The following PFKFB3 variants were observed in gnomAD, a reference collection of about 807,000 sequenced individuals.
PFKFB3 encodes the protein 6-phosphofructo-2-kinase/fructose-2,6-bisphosphatase 3.
PFKFB3 carries 33 observed loss-of-function variants against 68.0 expected under a neutral mutation model. That is an observed-to-expected ratio of 0.49 (90% CI 0.37 to 0.65). The LOEUF (loss-of-function observed/expected upper bound fraction) is 0.65. PFKFB3 is among the 30% of genes least tolerant of loss of function. The pLI is 0.00. For synonymous variants in PFKFB3, 315 were observed against 288.2 expected (o/e 1.09, Z -0.94); for missense variants, 586 against 712.2 (o/e 0.82, Z 2.02).
At chr10:6,261,722 T>C in the PFKFB3 span, among the ~76,000 whole-genome samples, 1 of 151,904 alleles carries the variant, frequency 6.6e-6, no homozygotes, top group Non-Finnish European at 1.5e-5. Context: ...AGGCCAGGCA[T>C]GGTGGCTCAC....
At chr10:6,163,537 C>T (rs1842025783) in intron 1 of PFKFB3, among the ~76,000 whole-genome samples, 2 of 152,048 alleles carry the variant, frequency 1.3e-5, no homozygotes, top group Non-Finnish European at 1.5e-5. Flanking sequence ...GGGGGCCAGA[C>T]GGGACATCAG....
At chr10:6,315,635 C>T in the PFKFB3 span, among the ~76,000 whole-genome samples, 29 of 152,274 alleles carry the variant, frequency 1.9e-4, no homozygotes, top group East Asian at 4.4e-3. Context: ...AGACATGCAC[C>T]GCCATGGCTG....
At chr10:6,275,285 G>A in the PFKFB3 span, among the ~76,000 whole-genome samples, 1 of 152,202 alleles carries the variant, frequency 6.6e-6, no homozygotes, top group Non-Finnish European at 1.5e-5. This position sits in a 1 kb window ranked among gnomAD's most constrained non-coding sequence, Gnocchi z 4.9. Flanking sequence ...CCGTGGCTCC[G>A]GTAGATTTCT....
At chr10:6,322,269 TTTTCCTTTACACA>T in the PFKFB3 span, among the ~76,000 whole-genome samples, 1 of 152,196 alleles carries the variant, frequency 6.6e-6, no homozygotes. Flanking sequence ...TCACCAGTCT[TTTTCCTTTACACA>T]TTCGGCATTC....
At chr10:6,303,103 CTG>C in the PFKFB3 span, among the ~76,000 whole-genome samples, 1 of 152,150 alleles carries the variant, frequency 6.6e-6, no homozygotes, top group East Asian at 1.9e-4. Flanking sequence ...TTGTCAGCAA[CTG>C]TTTGTTTATT....
rs1454122984 is a variant in PFKFB3, at chr10:6,177,408, C to CT, written c.16+32397dup. ...TCTTTCTTTCTTTCTTTCTTTCTTT[C>CT]TTCTTTCTCTTTCTTCCTTTCTTTT... On this transcript the variant is annotated intron_variant, in intron 1 of 14. Coordinates refer to the PFKFB3 transcript ENST00000379789. Among the ~76,000 whole-genome samples, 490 of 51,872 alleles carry CT rather than the reference C, an allele frequency of 9.4e-3. 2 individuals carry two copies. The highest frequency in any genetic ancestry group is 0.033 in the East Asian group (68 of 2,072). The allele number at this position is 51,872 out of a possible 152,430, so 34.0% of individuals were successfully genotyped here.
At chr10:6,206,576 A>ACGG (rs1843727074) in intron 1 of PFKFB3, among the ~76,000 whole-genome samples, 1 of 134,022 alleles carries the variant, frequency 7.5e-6, no homozygotes, top group Admixed American at 7.1e-5. Flanking sequence ...CTGGCCGGGC[A>ACGG]GGGGCTGACC....
At chr10:6,271,600 C>T in the PFKFB3 span, among the ~76,000 whole-genome samples, 2 of 151,998 alleles carry the variant, frequency 1.3e-5, no homozygotes, top group African/African-American at 4.8e-5. Context: ...TCAGTACTCT[C>T]TAGGTGTGTG....
At chr10:6,168,961 T>C (rs1274998003) in intron 1 of PFKFB3, among the ~76,000 whole-genome samples, 1 of 152,210 alleles carries the variant, frequency 6.6e-6, no homozygotes, top group Non-Finnish European at 1.5e-5. Flanking sequence ...CCACTCCTTA[T>C]GCTTTCTCTT....
At chr10:6,264,304 A>G in the PFKFB3 span, among the ~76,000 whole-genome samples, 1 of 152,216 alleles carries the variant, frequency 6.6e-6, no homozygotes, top group Non-Finnish European at 1.5e-5. Flanking sequence ...TTCTTATTCA[A>G]GATTGTCTTG....
chr10:6,145,558 G>A (rs1282849441), intron 1 of PFKFB3, among the ~76,000 whole-genome samples: 1 of 152,160 alleles, frequency 6.6e-6, no homozygotes, highest in Admixed American at 6.5e-5. Flanking sequence ...TGGTGGGCTC[G>A]GGGGCACGGA....
At chr10:6,173,601 A>G (rs1842374947) in intron 1 of PFKFB3, among the ~76,000 whole-genome samples, 1 of 152,106 alleles carries the variant, frequency 6.6e-6, no homozygotes, top group Non-Finnish European at 1.5e-5. Flanking sequence ...GAGAACAGCA[A>G]GGGAGGGATG....
chr10:6,221,654 A>G lies in PFKFB3; in HGVS notation c.992A>G (p.Glu331Gly). ...LNEIDAGVCEELTYEEIRDTY... is the reference protein window; with the variant it reads ...LNEIDAGVCEGLTYEEIRDTY... Reference sequence around the variant, plus strand: ...GGGTCCCCGCAGGGCGTCTGTGAGGAGCTGACCTACGAGGAGATCAGGGAC... The same window carrying G: ...GGGTCCCCGCAGGGCGTCTGTGAGGGGCTGACCTACGAGGAGATCAGGGAC... The change falls in exon 10 of 15, where the codon GAG (glutamate) becomes GGG (glycine). Residue 331 changes from glutamate (E) to glycine (G), a missense_variant. Transcript: ENST00000379775. 1 of 1,610,876 alleles carries G rather than the reference A, an allele frequency of 6.2e-7. No homozygotes were observed. Among genetic ancestry groups the G allele is most frequent in the Non-Finnish European group, 8.5e-7 (1 of 1,178,952 alleles).
chr10:6,313,189 A>C, the PFKFB3 span, among the ~76,000 whole-genome samples: 4 of 152,386 alleles, frequency 2.6e-5, no homozygotes, highest in South Asian at 8.3e-4. This position sits in a 1 kb window ranked among gnomAD's most constrained non-coding sequence, Gnocchi z 4.2. Flanking sequence ...ATGATTTCAT[A>C]GCTGCCTACC....
chr10:6,294,239 G>A, the PFKFB3 span: 19 of 530,210 alleles, frequency 3.6e-5, no homozygotes, highest in Admixed American at 3.3e-4. Context: ...AAATTGCTGG[G>A]TTGGCAGGGT....
the PFKFB3 span, among the ~76,000 whole-genome samples, chr10:6,322,408 A>G: frequency 6.6e-6 from 1 of 152,190 alleles, no homozygotes; most frequent in Non-Finnish European, 1.5e-5. Flanking sequence ...GCTCATGATA[A>G]TAGAGTCCTA....
At chr10:6,272,995 TTGC>T in the PFKFB3 span, among the ~76,000 whole-genome samples, 3 of 141,532 alleles carry the variant, frequency 2.1e-5, no homozygotes, top group African/African-American at 7.6e-5. Context: ...GGGGCTGAGA[TTGC>T]AGGCTTTTTT....
intron 14 of PFKFB3, among the ~76,000 whole-genome samples, chr10:6,226,817 G>T (rs1318646505): frequency 1.3e-5 from 2 of 152,234 alleles, no homozygotes; most frequent in African/African-American, 2.4e-5. Context: ...CAGGCGCGGT[G>T]GCTCACGCCT....
the PFKFB3 span, among the ~76,000 whole-genome samples, chr10:6,270,301 CCTT>C: frequency 6.6e-6 from 1 of 152,146 alleles, no homozygotes. Flanking sequence ...GATAATGATG[CCTT>C]CTTTTTCCCA....
Sources: allele counts gnomAD v4.1 joint callset (sites outside exome capture counted in the v4.1 genomes callset), GRCh38; gene constraint gnomAD v4.1.1; non-coding constraint Gnocchi (gnomAD v3.1); transcripts MANE v1.5; gene names NCBI Gene and HGNC (gene_info 2026-07-23, HGNC 2026-07-21).